The following KIF3A variants were observed in gnomAD, a reference collection of about 807,000 sequenced individuals.
The protein encoded by KIF3A is kinesin-like protein KIF3A.
A neutral mutation model predicts 92.6 loss-of-function variants in KIF3A; 27 were observed. That is an observed-to-expected ratio of 0.29 (90% CI 0.21 to 0.40). KIF3A has a LOEUF of 0.40. KIF3A is among the 10% of genes least tolerant of loss of function. The pLI is 1.00. For missense variants in KIF3A, 581 were observed against 872.6 expected (o/e 0.67, Z 4.21); for synonymous variants, 250 against 275.4 (o/e 0.91, Z 0.92).
At chr5:132,728,113 A>T (rs1353487134) in intron 2 of KIF3A, among the ~76,000 whole-genome samples, 3 of 152,212 alleles carry the variant, frequency 2.0e-5, no homozygotes, top group African/African-American at 7.2e-5. Context: ...TTCAGAATAG[A>T]CACATTAAAT....
At chr5:132,706,428 G>T in intron 11 of KIF3A, 23 bp downstream of exon 11, 1 of 1,523,720 alleles carries the variant, frequency 6.6e-7, no homozygotes, top group Non-Finnish European at 8.8e-7. Flanking sequence ...GTACCATGTG[G>T]AGTGCAAATC....
intron 2 of KIF3A, among the ~76,000 whole-genome samples, chr5:132,731,215 T>C (rs537683290): frequency 1.1e-4 from 17 of 152,134 alleles, no homozygotes; most frequent in Non-Finnish European, 2.1e-4. Flanking sequence ...ACCAGAAAAA[T>C]GCATTAGAAG....
At chr5:132,700,578 C>T in intron 16 of KIF3A, 69 bp downstream of exon 16, 2 of 1,063,814 alleles carry the variant, frequency 1.9e-6, no homozygotes, top group Non-Finnish European at 2.9e-6. Context: ...CCCACTGTAG[C>T]CAGCACAATT....
intron 2 of KIF3A, among the ~76,000 whole-genome samples, chr5:132,732,887 C>T (rs576822750): frequency 8.1e-5 from 12 of 148,714 alleles, no homozygotes; most frequent in East Asian, 7.8e-4. Context: ...CCAGCCTGGG[C>T]GACAGAGCAA....
rs1752827362 is a variant in KIF3A at position 132,696,177 on chromosome 5, C to CT, written c.*456dup. ...GGGTGGGTGTTAGGACGGAATCATT[C>CT]TTTAGATGTACAGTCCAAACATTCA... On this transcript the variant is annotated 3_prime_UTR_variant, in exon 19 of 19. Coordinates refer to ENST00000403231, the MANE Select transcript of KIF3A (RefSeq NM_001300791.2). 6.5e-6 allele frequency: 1 copy of CT among 152,838 alleles called. No individual in the cohort carries two copies. Among genetic ancestry groups the CT allele is most frequent in the Admixed American group, 6.5e-5 (1 of 15,280 alleles). The allele number at this position is 152,838 out of a possible 1,614,324, so 9.5% of individuals were successfully genotyped here.
intron 4 of KIF3A, among the ~76,000 whole-genome samples, chr5:132,722,163 T>C (rs1348290665): frequency 3.9e-5 from 6 of 152,232 alleles, no homozygotes; most frequent in Non-Finnish European, 7.3e-5. Context: ...CTGACATCTG[T>C]CTGCAAACTA....
intron 5 of KIF3A, among the ~76,000 whole-genome samples, chr5:132,719,248 G>A (rs1458760879): frequency 1.3e-5 from 2 of 152,104 alleles, no homozygotes; most frequent in African/African-American, 4.8e-5. Flanking sequence ...GCATTTTCCT[G>A]ATTAGTTGTG....
intron 2 of KIF3A, among the ~76,000 whole-genome samples, chr5:132,732,944 T>C (rs1346172756): frequency 2.0e-5 from 3 of 151,794 alleles, no homozygotes; most frequent in Non-Finnish European, 4.4e-5. Flanking sequence ...TGCTGATATA[T>C]GTTTATATGT....
intron 8 of KIF3A, 147 bp from the exon 9 acceptor site, chr5:132,711,204 C>CA (rs1753411984): frequency 3.0e-6 from 2 of 671,610 alleles, no homozygotes; most frequent in South Asian, 3.9e-5. Context: ...GAAAGTATAA[C>CA]AGATATGCCA....
chr5:132,727,310 A>T (rs1754065583), intron 2 of KIF3A, among the ~76,000 whole-genome samples: 1 of 152,232 alleles, frequency 6.6e-6, no homozygotes, highest in Admixed American at 6.5e-5. Flanking sequence ...TGATGTGTAT[A>T]ATCTTGGGTT....
intron 5 of KIF3A, among the ~76,000 whole-genome samples, chr5:132,719,372 A>G (rs979199678): frequency 1.3e-4 from 20 of 152,214 alleles, no homozygotes; most frequent in Admixed American, 3.3e-4. Flanking sequence ...TAATTGGTTC[A>G]TAAGAATGTA....
At chr5:132,733,208 G>A (rs896285857) in intron 2 of KIF3A, among the ~76,000 whole-genome samples, 15 of 152,170 alleles carry the variant, frequency 9.9e-5, no homozygotes, top group Non-Finnish European at 2.2e-4. Flanking sequence ...GGTGACAGCT[G>A]TACGACATTG....
intron 8 of KIF3A, among the ~76,000 whole-genome samples, chr5:132,715,294 A>C (rs1023424482): frequency 3.3e-5 from 5 of 152,216 alleles, no homozygotes; most frequent in African/African-American, 9.6e-5. Context: ...AAATTTAGGT[A>C]TGAAAGGATA....
rs754818435 is a variant in KIF3A, at chr5:132,737,414, C to G, written c.6G>C (p.Pro2=). 1 of 1,608,468 alleles carries G rather than the reference C, an allele frequency of 6.2e-7. No individual in the cohort carries two copies. The highest frequency in any genetic ancestry group is 1.7e-5 in the Admixed American group (1 of 59,482). The change falls in exon 1 of 19, where the codon CCG becomes CCC. Residue 2 remains proline, a splice_region_variant and synonymous_variant. Transcript: ENST00000403231. ...CCAGAAGCGAAGCGACTCTCCTCAC[C>G]GGCATCTTGGCCCCCTCCCGTGCCC... M[P]INKSEKPESC...
intron 2 of KIF3A, among the ~76,000 whole-genome samples, chr5:132,730,221 C>T (rs1348398885): frequency 6.6e-6 from 1 of 152,084 alleles, no homozygotes; most frequent in Non-Finnish European, 1.5e-5. Flanking sequence ...AATCCCAGCA[C>T]TCCGGGAGGC....
intron 4 of KIF3A, among the ~76,000 whole-genome samples, chr5:132,722,748 T>TCG (rs1753866519): frequency 6.6e-6 from 1 of 152,172 alleles, no homozygotes; most frequent in Non-Finnish European, 1.5e-5. Flanking sequence ...CGCTCCAAAC[T>TCG]CTACCAAGAG....
chr5:132,708,204 C>G (rs1753287357), intron 10 of KIF3A, among the ~76,000 whole-genome samples: 1 of 151,278 alleles, frequency 6.6e-6, no homozygotes, highest in Non-Finnish European at 1.5e-5. Flanking sequence ...ATGGCGTGAA[C>G]CCGGGAGGCG....
intron 2 of KIF3A, among the ~76,000 whole-genome samples, chr5:132,731,137 T>C (rs193242042): frequency 7.9e-5 from 12 of 152,284 alleles, no homozygotes; most frequent in Admixed American, 2.6e-4. Flanking sequence ...CAAATTCTTC[T>C]AGAAAACTGA....
Position 132,699,189 on chromosome 5 carries a change from C to T in KIF3A, c.2114G>A (p.Arg705Lys). 1 of 1,614,034 alleles carries T rather than the reference C, an allele frequency of 6.2e-7. No homozygotes were observed. Among genetic ancestry groups the T allele is most frequent in the East Asian group, 2.2e-5 (1 of 44,876 alleles). ...ERPRTSKGKA[R>K]PKTGRRKRSA... ...TCCTTACCTTCTCCCTGTCTTTGGC[C>T]TTGCTTTCCCCTTTGAAGTTCGTGG... The change falls in exon 18 of 19, where the codon AGG becomes AAG. Residue 705 changes from arginine to lysine, a missense_variant. Around this residue, in one of 5 missense-constraint regions of KIF3A, gnomAD observed 112 missense variants for 144.3 expected, o/e 0.78. Coordinates refer to ENST00000403231, the MANE Select transcript of KIF3A (RefSeq NM_001300791.2).
Sources: allele counts gnomAD v4.1 joint callset (sites outside exome capture counted in the v4.1 genomes callset), GRCh38; gene constraint gnomAD v4.1.1; regional missense constraint gnomAD v4.1.1; transcripts MANE v1.5; gene names NCBI Gene and HGNC (gene_info 2026-07-23, HGNC 2026-07-21).